The following NR5A2 variants were observed in gnomAD, a reference collection of about 807,000 sequenced individuals.
The protein encoded by NR5A2 is nuclear receptor subfamily 5 group A member 2.
Under a neutral mutation model 62.7 loss-of-function variants are expected in NR5A2, and 26 were observed. The observed-to-expected ratio is 0.41, with a 90% CI of 0.30 to 0.58. NR5A2 has a LOEUF of 0.58. NR5A2 is among the 20% of genes least tolerant of loss of function. The pLI is 0.22. For missense variants in NR5A2, 541 were observed against 669.1 expected (o/e 0.81, Z 2.11); for synonymous variants, 246 against 241.7 (o/e 1.02, Z -0.16).
chr1:200,089,248 A>C (rs1664696726), intron 5 of NR5A2, among the ~76,000 whole-genome samples: 1 of 152,018 alleles, frequency 6.6e-6, no homozygotes, highest in Admixed American at 6.6e-5. Context: ...AGAGTCTTGC[A>C]CTGTCACCCA....
chr1:200,087,250 AC>A (rs1664595837), intron 5 of NR5A2, among the ~76,000 whole-genome samples: 1 of 151,760 alleles, frequency 6.6e-6, no homozygotes, highest in Non-Finnish European at 1.5e-5. Context: ...CAACACACAC[AC>A]ACACACACAC....
chr1:200,082,989 T>C (rs2102237722), intron 5 of NR5A2, among the ~76,000 whole-genome samples: 1 of 152,286 alleles, frequency 6.6e-6, no homozygotes, highest in South Asian at 2.1e-4. Context: ...TAGAAGATTT[T>C]GGACTGAAAT....
At chr1:200,038,905 T>G (rs1434105345) in intron 1 of NR5A2, 1 of 468,038 alleles carries the variant, frequency 2.1e-6, no homozygotes, top group Non-Finnish European at 3.4e-6. Flanking sequence ...TGGCGGCTAG[T>G]GTCCGACCTG....
intron 5 of NR5A2, among the ~76,000 whole-genome samples, chr1:200,092,309 C>G (rs1020347525): frequency 6.6e-6 from 1 of 152,132 alleles, no homozygotes; most frequent in Non-Finnish European, 1.5e-5. Context: ...TAAAAAGACG[C>G]ACTATAAGTT....
At chr1:200,124,376 C>T (rs1666609462) in intron 7 of NR5A2, among the ~76,000 whole-genome samples, 1 of 152,166 alleles carries the variant, frequency 6.6e-6, no homozygotes, top group African/African-American at 2.4e-5. Context: ...CATGACAGGA[C>T]TCAAAAGAAA....
At chr1:200,057,032 T>G (rs2102185847) in intron 5 of NR5A2, among the ~76,000 whole-genome samples, 1 of 152,336 alleles carries the variant, frequency 6.6e-6, no homozygotes, top group East Asian at 1.9e-4. Flanking sequence ...CTGATGAGGA[T>G]GTACTGAATT....
chr1:200,079,012 A>G (rs965471341), intron 5 of NR5A2, among the ~76,000 whole-genome samples: 8 of 152,212 alleles, frequency 5.3e-5, no homozygotes, highest in Admixed American at 2.6e-4. Context: ...CCTGGCATTC[A>G]TAGCAACTAT....
chr1:200,045,397 G>A (rs550182594), intron 3 of NR5A2, 46 bp from the exon 4 acceptor site: 18 of 1,496,570 alleles, frequency 1.2e-5, no homozygotes, highest in African/African-American at 7.1e-5. Flanking sequence ...TGGAAAAGAC[G>A]GGTGTTAGAT....
chr1:200,100,912 A>C lies in NR5A2; in HGVS notation c.1111-10290A>C, dbSNP rs558342371. Reference sequence around the variant, plus strand: ...AACCAAATTGTGGCTCATTTCCAACAACTGAAACAACCCTTATGGAGCTTA... The same window carrying C: ...AACCAAATTGTGGCTCATTTCCAACCACTGAAACAACCCTTATGGAGCTTA... On this transcript the variant is annotated intron_variant, in intron 5 of 7. Transcript: ENST00000367362. Among the ~76,000 whole-genome samples, 307 of 152,284 alleles carry C rather than the reference A, an allele frequency of 2.0e-3. 3 individuals carry two copies. Among genetic ancestry groups the C allele is most frequent in the Non-Finnish European group, 3.4e-3 (234 of 68,018 alleles).
chr1:200,173,936 CTTTTTT>C (rs3034024), intron 7 of NR5A2, 21 bp from the exon 8 acceptor site: 7,994 of 1,224,712 alleles, frequency 6.5e-3, no homozygotes, highest in South Asian at 0.025. Context: ...TGAAATGTTG[CTTTTTT>C]TTTTTTTTTT....
At chr1:200,161,676 A>G (rs535234824) in intron 7 of NR5A2, among the ~76,000 whole-genome samples, 1 of 152,358 alleles carries the variant, frequency 6.6e-6, no homozygotes, top group African/African-American at 2.4e-5. Flanking sequence ...GACACATTAT[A>G]GGAAAAGAGC....
chr1:200,040,887 G>C (rs921232407), intron 2 of NR5A2, among the ~76,000 whole-genome samples: 1 of 152,240 alleles, frequency 6.6e-6, no homozygotes, highest in African/African-American at 2.4e-5. Flanking sequence ...CGCCGTGCGG[G>C]TTGTGATCCG....
chr1:200,173,024 C>T (rs61826189), intron 7 of NR5A2, among the ~76,000 whole-genome samples: 11,424 of 152,160 alleles, frequency 0.075, 640 homozygotes, highest in Non-Finnish European at 0.12. Flanking sequence ...ATAAATCAAC[C>T]CCAGAAGAGA....
At chr1:200,124,211 G>C (rs1201303217) in intron 7 of NR5A2, among the ~76,000 whole-genome samples, 3 of 152,180 alleles carry the variant, frequency 2.0e-5, no homozygotes, top group African/African-American at 7.2e-5. Context: ...AAAGTCTAGG[G>C]TGTGTTTGGG....
chr1:200,048,075 C>T lies in NR5A2; in HGVS notation c.464-97C>T. On this transcript the variant is annotated intron_variant, in intron 4 of 7. Transcript: ENST00000367362. This position sits in a 1 kb window ranked among gnomAD's most constrained non-coding sequence, Gnocchi z 4.8. ...AACGAAAACAACCACACACATACCA[C>T]TTCTTGTCGATTTACATTTCTAAAT... 2 of 1,205,160 alleles carry T rather than the reference C, an allele frequency of 1.7e-6. No individual in the cohort carries two copies. The highest frequency in any genetic ancestry group is 2.3e-6 in the Non-Finnish European group (2 of 857,294). 74.7% of individuals were successfully genotyped at this position (1,205,160 alleles called of 1,614,324 possible).
At chr1:200,051,576 G>A (rs1256088380) in intron 5 of NR5A2, among the ~76,000 whole-genome samples, 1 of 152,214 alleles carries the variant, frequency 6.6e-6, no homozygotes, top group Non-Finnish European at 1.5e-5. Context: ...TCTACAAGGG[G>A]TGGGAGATGT....
intron 5 of NR5A2, among the ~76,000 whole-genome samples, chr1:200,053,149 A>G (rs918280435): frequency 1.5e-4 from 23 of 152,236 alleles, no homozygotes; most frequent in African/African-American, 5.5e-4. Flanking sequence ...CAACTCCCCA[A>G]CTCTCATAGA....
intron 5 of NR5A2, among the ~76,000 whole-genome samples, chr1:200,104,879 T>G (rs567974612): frequency 6.6e-6 from 1 of 152,298 alleles, no homozygotes; most frequent in East Asian, 1.9e-4. Context: ...GCCAGGCTGG[T>G]CTCGAATTCC....
intron 5 of NR5A2, among the ~76,000 whole-genome samples, chr1:200,058,684 G>A (rs1245822497): frequency 1.4e-5 from 2 of 147,666 alleles, no homozygotes; most frequent in African/African-American, 5.0e-5. Flanking sequence ...TCACCACGTT[G>A]GCCAGGCTGG....
Sources: gnomAD v4.1 joint callset for allele counts (sites outside exome capture counted in the v4.1 genomes callset) on GRCh38, gnomAD v4.1.1 for gene constraint, Gnocchi (gnomAD v3.1) non-coding constraint, MANE v1.5 for transcripts, NCBI Gene and HGNC (gene_info 2026-07-23, HGNC 2026-07-21) for gene names.